The following AK3 variants were observed in gnomAD, a reference collection of about 807,000 sequenced individuals.
AK3 encodes the protein GTP:AMP phosphotransferase AK3, mitochondrial.
In AK3, 27 loss-of-function variants were observed where a neutral mutation model predicts 23.7. The observed-to-expected ratio is 1.14, with a 90% CI of 0.84 to 1.57. The LOEUF is 1.57. Among genes scored for constraint, AK3 ranks in the 40% most tolerant of loss-of-function variants. The pLI, the probability that AK3 is intolerant of heterozygous loss-of-function variation, is 0.00. For missense variants in AK3, 406 were observed against 285.6 expected (o/e 1.42, Z -3.04); for synonymous variants, 159 against 116.0 (o/e 1.37, Z -2.38).
At chr9:4,735,162 A>G (rs62540576) in intron 1 of AK3, among the ~76,000 whole-genome samples, 61,291 of 146,914 alleles carry the variant, frequency 0.42, 13,226 homozygotes, top group Admixed American at 0.47. Flanking sequence ...GAGAGGCTAA[A>G]GAGGGGAGGA....
At chr9:4,740,674 T>G (rs571270965) in intron 1 of AK3, among the ~76,000 whole-genome samples, 1 of 151,792 alleles carries the variant, frequency 6.6e-6, no homozygotes, top group Non-Finnish European at 1.5e-5. Context: ...AGCCCGGTGG[T>G]TTCCTTTCAT....
At chr9:4,714,441 G>A (rs550065533) in intron 4 of AK3, among the ~76,000 whole-genome samples, 48 of 152,146 alleles carry the variant, frequency 3.2e-4, no homozygotes, top group Non-Finnish European at 5.6e-4. Flanking sequence ...AGAAACATCT[G>A]CTAAGGAAGG....
rs1215415168 is a variant in AK3, at chr9:4,711,750, T to C, written c.*1226A>G. Reference sequence around the variant, plus strand: ...CACACAGTACATCAGCAACCATCCTTTAGATTCCAATTTTTAAATGGCTGC... The same window carrying C: ...CACACAGTACATCAGCAACCATCCTCTAGATTCCAATTTTTAAATGGCTGC... On this transcript the variant is annotated 3_prime_UTR_variant, in exon 5 of 5. Coordinates refer to ENST00000381809, the MANE Select transcript of AK3 (RefSeq NM_016282.4). 2 of 152,130 alleles carry C rather than the reference T, an allele frequency of 1.3e-5. No individual in the cohort carries two copies. The highest frequency in any genetic ancestry group is 2.9e-5 in the Non-Finnish European group (2 of 68,008). The allele number at this position is 152,130 out of a possible 1,614,324, so 9.4% of individuals were successfully genotyped here.
Position 4,732,617 on chromosome 9 carries a change from T to C in AK3, c.151+8320A>G, listed in dbSNP as rs192835535. Among the ~76,000 whole-genome samples the C allele has an allele frequency of 1.5e-3, 227 of 152,250 alleles. 1 individual carries two copies. Among genetic ancestry groups the C allele is most frequent in the Middle Eastern group, 3.4e-3 (1 of 294 alleles). ...GTAGGAAAAGAAGGTTAGAGAAAAA[T>C]AGGGAAACTCAAAACCAACTTTTAA... On this transcript the variant is annotated intron_variant, in intron 1 of 4. Transcript: ENST00000381809.
At chr9:4,717,799 G>C (rs775380302) in intron 4 of AK3, among the ~76,000 whole-genome samples, 11 of 152,178 alleles carry the variant, frequency 7.2e-5, no homozygotes, top group Non-Finnish European at 1.6e-4. Context: ...GCATGTTTAA[G>C]GCAGGCTAAG....
At chr9:4,728,866 T>TATATATATATACAC (rs1395790351) in intron 1 of AK3, among the ~76,000 whole-genome samples, 3 of 87,890 alleles carry the variant, frequency 3.4e-5, no homozygotes, top group Non-Finnish European at 4.8e-5. Flanking sequence ...TATATATATA[T>TATATATATATACAC]ACACACACAC....
In AK3 at chr9:4,711,678, A is replaced by T. The variant is rs1841565846; in HGVS notation, c.*1298T>A. ...AGAGTAAATATGCCATGGAAGACAT[A>T]ATCAAGTTTTTCCTCCATCTCTCAT... is the stretch of plus-strand genomic sequence containing the variant. On this transcript the variant is annotated 3_prime_UTR_variant, in exon 5 of 5. Transcript: ENST00000381809. 6.6e-6 allele frequency: 1 copy of T among 152,186 alleles called. No individual in the cohort carries two copies. Among genetic ancestry groups the T allele is most frequent in the South Asian group, 2.1e-4 (1 of 4,832 alleles). The allele number at this position is 152,186 out of a possible 1,614,324, so 9.4% of individuals were successfully genotyped here.
chr9:4,733,808 C>G (rs1312971515), intron 1 of AK3, among the ~76,000 whole-genome samples: 1 of 152,174 alleles, frequency 6.6e-6, no homozygotes, highest in African/African-American at 2.4e-5. Flanking sequence ...GAGCTCTACA[C>G]ACATGGATCC....
At position 4,711,889 on chromosome 9, in the gene AK3, G is replaced by A. The variant is rs1287494975; in HGVS notation, c.*1087C>T. ...ACTCCTTCAGGAAACTCACTTTCCTGGTCCTTGTTAACCTATCATGTAAAT... is the reference window on the plus strand; with the variant it reads ...ACTCCTTCAGGAAACTCACTTTCCTAGTCCTTGTTAACCTATCATGTAAAT... On this transcript the variant is annotated 3_prime_UTR_variant, in exon 5 of 5. Coordinates refer to ENST00000381809, the MANE Select transcript of AK3 (RefSeq NM_016282.4). The A allele has an allele frequency of 6.6e-6, 1 of 152,054 alleles. No homozygotes were observed. The highest frequency in any genetic ancestry group is 2.4e-5 in the African/African-American group (1 of 41,418). 9.4% of individuals were successfully genotyped at this position (152,054 alleles called of 1,614,324 possible). A position where few individuals can be genotyped will look rare whatever the true frequency, so the allele number is the denominator to read the frequency against.
intron 4 of AK3, among the ~76,000 whole-genome samples, chr9:4,717,912 G>C (rs1225455939): frequency 6.6e-6 from 1 of 152,114 alleles, no homozygotes; most frequent in Non-Finnish European, 1.5e-5. Context: ...TGAGACTGTC[G>C]CACTGCCAAC....
intron 1 of AK3, among the ~76,000 whole-genome samples, chr9:4,734,199 A>G (rs1014132440): frequency 6.6e-6 from 1 of 152,198 alleles, no homozygotes. Context: ...TTACAGAGGA[A>G]AGGCCATGTG....
Position 4,729,092 on chromosome 9 carries a change from C to A in AK3, c.152-6467G>T, listed in dbSNP as rs374902857. On this transcript the variant is annotated intron_variant, in intron 1 of 4. Transcript: ENST00000381809. ...ATGGCGCAATCTTGGCTCACTGCAA[C>A]CTCTGCCTCCCGGGTTCAAGCGATT... 2.4e-4 allele frequency among the ~76,000 whole-genome samples: 36 copies of A among 149,088 alleles called. No individual in the cohort carries two copies. In the East Asian group the frequency reaches 5.5e-3, roughly 23 times the overall value.
rs10262 is a variant in AK3 at position 4,712,245 on chromosome 9, A to C, written c.*731T>G. 1 of 152,186 alleles carries C rather than the reference A, an allele frequency of 6.6e-6. No homozygotes were observed. Among genetic ancestry groups the C allele is most frequent in the African/African-American group, 2.4e-5 (1 of 41,450 alleles). 9.4% of individuals were successfully genotyped at this position (152,186 alleles called of 1,614,324 possible). A position where few individuals can be genotyped will look rare whatever the true frequency, so the allele number is the denominator to read the frequency against. On this transcript the variant is annotated 3_prime_UTR_variant, in exon 5 of 5. Coordinates refer to ENST00000381809, the MANE Select transcript of AK3 (RefSeq NM_016282.4). The stretch of plus-strand genomic sequence containing the variant: ...ATTCATTCAACTTTGGTGCTTGTAA[A>C]AGCACTTATGTCAATTTTTGACACA...
Position 4,720,950 on chromosome 9 carries a change from A to G in AK3, c.271+1556T>C, listed in dbSNP as rs115061913. On this transcript the variant is annotated intron_variant, in intron 2 of 4. Transcript: ENST00000381809. ...TTACCTTGTTCCTGCTGCCAAAGAT[A>G]ACCTGTCTCTCCACCCATGTAATCC... Among the ~76,000 whole-genome samples the G allele has an allele frequency of 3.9e-3, 593 of 152,260 alleles. 4 individuals are homozygous for G. The highest frequency in any genetic ancestry group is 0.012 in the African/African-American group (505 of 41,542).
Position 4,709,720 on chromosome 9 carries a change from GTTTAAAAATTT to G in AK3, c.*3245_*3255del, listed in dbSNP as rs895442052. On this transcript the variant is annotated 3_prime_UTR_variant, in exon 5 of 5. Transcript: ENST00000381809. ...TAAGCACAGCTACACTATTTTAACT[GTTTAAAAATTT>G]TTTAACCATAACTTCCAAGATGAAA... 1 of 152,132 alleles carries G rather than the reference GTTTAAAAATTT, an allele frequency of 6.6e-6. No individual in the cohort carries two copies. The highest frequency in any genetic ancestry group is 2.4e-5 in the African/African-American group (1 of 41,400). The allele number at this position is 152,132 out of a possible 1,614,324, so 9.4% of individuals were successfully genotyped here.
intron 1 of AK3, among the ~76,000 whole-genome samples, chr9:4,738,665 G>C (rs945956678): frequency 2.0e-5 from 3 of 150,990 alleles, no homozygotes; most frequent in Non-Finnish European, 4.4e-5. Flanking sequence ...AATCATCTCT[G>C]TGTGGCAAGG....
intron 4 of AK3, among the ~76,000 whole-genome samples, chr9:4,713,965 C>CCT: frequency 1.3e-5 from 2 of 151,918 alleles, no homozygotes; most frequent in African/African-American, 2.4e-5. Flanking sequence ...CACATATACA[C>CCT]ACCTCCACAT....
intron 1 of AK3, among the ~76,000 whole-genome samples, chr9:4,740,053 A>C (rs1466459690): frequency 3.3e-5 from 4 of 122,330 alleles, no homozygotes; most frequent in Non-Finnish European, 6.7e-5. Context: ...CCTGTTTGCT[A>C]TCCTTACAAA....
chr9:4,732,291 A>T (rs769593948), intron 1 of AK3, among the ~76,000 whole-genome samples: 2 of 152,014 alleles, frequency 1.3e-5, no homozygotes, highest in Non-Finnish European at 2.9e-5. Context: ...TTGGTTTATT[A>T]TAAGAATACA....
Sources: gnomAD v4.1 joint callset for allele counts (sites outside exome capture counted in the v4.1 genomes callset) on GRCh38, gnomAD v4.1.1 for gene constraint, MANE v1.5 for transcripts, NCBI Gene and HGNC (gene_info 2026-07-23, HGNC 2026-07-21) for gene names.